The following ZMYM4 variants were observed in gnomAD, a reference collection of about 807,000 sequenced individuals.
The protein encoded by ZMYM4 is zinc finger MYM-type containing 4.
ZMYM4 carries 31 observed loss-of-function variants against 183.2 expected under a neutral mutation model. The observed-to-expected ratio is 0.17, with a 90% CI of 0.13 to 0.23. ZMYM4 has a LOEUF of 0.23. ZMYM4 is among the 10% of genes least tolerant of loss of function. The probability of loss-of-function intolerance (pLI) is 1.00; values close to 1 mark genes in which losing one functional copy is unlikely to be tolerated. For missense variants in ZMYM4, 1,273 were observed against 1,840.3 expected (o/e 0.69, Z 5.64); for synonymous variants, 592 against 631.2 (o/e 0.94, Z 0.93).
At chr1:35,296,467 A>G (rs1460230748) in intron 1 of ZMYM4, among the ~76,000 whole-genome samples, 1 of 152,192 alleles carries the variant, frequency 6.6e-6, no homozygotes, top group East Asian at 1.9e-4. Flanking sequence ...CTCTGTTTTC[A>G]CATGTCCCTC....
intron 10 of ZMYM4, among the ~76,000 whole-genome samples, 188 bp downstream of exon 10, chr1:35,385,780 C>G (rs1644562307): frequency 6.6e-6 from 1 of 152,130 alleles, no homozygotes. Context: ...GCATTTCCCC[C>G]TTACCAAAAG....
chr1:35,287,362 ATAG>A (rs1430975777), intron 1 of ZMYM4, among the ~76,000 whole-genome samples: 1 of 151,334 alleles, frequency 6.6e-6, no homozygotes, highest in Admixed American at 6.6e-5. Flanking sequence ...CCACTGGCTT[ATAG>A]TAGTAGTTTT....
At chr1:35,308,335 A>G (rs1222163367) in intron 1 of ZMYM4, among the ~76,000 whole-genome samples, 1 of 152,346 alleles carries the variant, frequency 6.6e-6, no homozygotes, top group South Asian at 2.1e-4. Flanking sequence ...AATAATATGT[A>G]CAGAGTACAC....
intron 1 of ZMYM4, among the ~76,000 whole-genome samples, chr1:35,323,279 G>T (rs2148816304): frequency 6.6e-6 from 1 of 152,298 alleles, no homozygotes; most frequent in African/African-American, 2.4e-5. Context: ...TGGGATTACA[G>T]GCGTGAGCCA....
intron 1 of ZMYM4, among the ~76,000 whole-genome samples, chr1:35,290,343 C>T (rs533322012): frequency 6.6e-6 from 1 of 152,340 alleles, no homozygotes; most frequent in African/African-American, 2.4e-5. Flanking sequence ...TTATGCTTAG[C>T]ATATTTCTTT....
At chr1:35,374,679 A>T (rs542977873) in intron 7 of ZMYM4, among the ~76,000 whole-genome samples, 1 of 151,828 alleles carries the variant, frequency 6.6e-6, no homozygotes, top group African/African-American at 2.4e-5. Flanking sequence ...TCTCAAAAAA[A>T]AAAAAAAGTC....
At chr1:35,284,084 C>A (rs1415376309) in intron 1 of ZMYM4, among the ~76,000 whole-genome samples, 1 of 151,924 alleles carries the variant, frequency 6.6e-6, no homozygotes, top group Non-Finnish European at 1.5e-5. Flanking sequence ...TCACGCCATT[C>A]TCCTGCCTCA....
At position 35,389,499 on chromosome 1, in the gene ZMYM4, A is replaced by G. The variant is rs887515640; in HGVS notation, c.2436+417A>G. ...GCTGGGCGCGGTGGCTCACGCCTGT[A>G]ATCCCAGCACTTTGGGAGGCCGAGG... On this transcript the variant is annotated intron_variant, in intron 14 of 29. Coordinates refer to ENST00000314607, the MANE Select transcript of ZMYM4 (RefSeq NM_005095.3). The surrounding 1 kb of genome is among the most constrained non-coding windows in gnomAD (Gnocchi z 4.0). Among the ~76,000 whole-genome samples the G allele has an allele frequency of 2.6e-5, 4 of 152,248 alleles. No individual in the cohort carries two copies. Among genetic ancestry groups the G allele is most frequent in the Admixed American group, 1.3e-4 (2 of 15,300 alleles).
At chr1:35,271,214 T>C (rs1340927595) in intron 1 of ZMYM4, among the ~76,000 whole-genome samples, 1 of 152,202 alleles carries the variant, frequency 6.6e-6, no homozygotes, top group Non-Finnish European at 1.5e-5. Flanking sequence ...GTCATTCACC[T>C]TCTGTACTAG....
rs528668211 is a variant in ZMYM4, at chr1:35,415,768, A to G, written c.4309+54A>G. 6 of 1,576,230 alleles carry G rather than the reference A, an allele frequency of 3.8e-6. No individual in the cohort carries two copies. The East Asian group carries it at 1.3e-4, about 35-fold the overall frequency. On this transcript the variant is annotated intron_variant, in intron 28 of 29. Coordinates refer to ENST00000314607, the MANE Select transcript of ZMYM4 (RefSeq NM_005095.3). ...TTTGAAGTCTTAGTAGTAGTACTAA[A>G]ATAGAGAGTTACTGCAGAAAGGTAA...
chr1:35,349,136 C>T (rs964915022), intron 2 of ZMYM4, among the ~76,000 whole-genome samples: 6 of 152,108 alleles, frequency 3.9e-5, no homozygotes, highest in Non-Finnish European at 2.9e-5. Flanking sequence ...GCTGGGATTA[C>T]AGGCATGCAC....
intron 2 of ZMYM4, among the ~76,000 whole-genome samples, chr1:35,330,734 G>A (rs1370551373): frequency 6.6e-6 from 1 of 152,116 alleles, no homozygotes; most frequent in Non-Finnish European, 1.5e-5. Flanking sequence ...AGCAAACTAA[G>A]GCTTAGAGAC....
chr1:35,338,482 C>T (rs138210274), intron 2 of ZMYM4, among the ~76,000 whole-genome samples: 4 of 152,180 alleles, frequency 2.6e-5, no homozygotes, highest in African/African-American at 9.6e-5. Flanking sequence ...AACTGTAGGC[C>T]TTGAATATGC....
At chr1:35,401,136 A>G (rs1644901499) in intron 23 of ZMYM4, among the ~76,000 whole-genome samples, 1 of 152,184 alleles carries the variant, frequency 6.6e-6, no homozygotes, top group Non-Finnish European at 1.5e-5. Flanking sequence ...TCTTGAGGAA[A>G]AAGATCTAGG....
intron 1 of ZMYM4, among the ~76,000 whole-genome samples, chr1:35,325,113 T>A: frequency 1.3e-5 from 2 of 152,164 alleles, no homozygotes; most frequent in Non-Finnish European, 2.9e-5. Flanking sequence ...ATTAAAAAAA[T>A]AAGTAGTTGT....
Position 35,300,904 on chromosome 1 carries a change from A to G in ZMYM4, c.40-24456A>G, listed in dbSNP as rs147658787. ...TCTGTTGATTAACCTTTCTCATTAT[A>G]AATTGGCTGTTCTTGCTTCTTTGCA... On this transcript the variant is annotated intron_variant, in intron 1 of 29. Transcript: ENST00000314607. Among the ~76,000 whole-genome samples the G allele has an allele frequency of 7.2e-5, 11 of 152,318 alleles. No individual in the cohort carries two copies. In the East Asian group the frequency reaches 2.1e-3, roughly 29 times the overall value.
intron 1 of ZMYM4, among the ~76,000 whole-genome samples, chr1:35,305,820 A>T (rs1238300259): frequency 1.3e-5 from 2 of 152,112 alleles, no homozygotes; most frequent in East Asian, 3.8e-4. Context: ...AAGTGTTGGG[A>T]TTACAGGTGT....
chr1:35,353,175 A>G (rs1274860657), intron 2 of ZMYM4, among the ~76,000 whole-genome samples: 3 of 152,194 alleles, frequency 2.0e-5, no homozygotes, highest in African/African-American at 7.2e-5. Context: ...ATATATCCAC[A>G]TCTGACTACT....
rs548995290 is a variant in ZMYM4, at chr1:35,297,478, C to CAAAA, written c.40-27871_40-27868dup. Among the ~76,000 whole-genome samples, 9 of 126,838 alleles carry CAAAA rather than the reference C, an allele frequency of 7.1e-5. No individual in the cohort carries two copies. In the East Asian group the frequency reaches 1.1e-3, roughly 15 times the overall value. The allele number at this position is 126,838 out of a possible 152,430, so 83.2% of individuals were successfully genotyped here. The stretch of plus-strand genomic sequence containing the variant: ...TGCACTCCAGCCTGGGTGCTTGTCA[C>CAAAA]AAAAAAAAAAAAAATGTATATATAT... On this transcript the variant is annotated intron_variant, in intron 1 of 29. Transcript: ENST00000314607.
Sources: allele counts gnomAD v4.1 joint callset (sites outside exome capture counted in the v4.1 genomes callset), GRCh38; gene constraint gnomAD v4.1.1; non-coding constraint Gnocchi (gnomAD v3.1); transcripts MANE v1.5; gene names NCBI Gene and HGNC (gene_info 2026-07-23, HGNC 2026-07-21).